PHKB: variants seen among roughly 807,000 people sequenced by gnomAD.
The protein encoded by PHKB is phosphorylase kinase regulatory subunit beta.
In PHKB, 122 loss-of-function variants were observed where a neutral mutation model predicts 152.1. The ratio of observed to expected loss-of-function variants is 0.80; its 90% CI spans 0.69 to 0.93. The LOEUF (loss-of-function observed/expected upper bound fraction) is 0.93, where lower values mean the gene tolerates loss of function less well. Among genes scored for constraint, PHKB ranks in the 40% least tolerant of loss-of-function variants. The pLI is 0.00. For missense variants in PHKB, 1,304 were observed against 1,328.4 expected (o/e 0.98, Z 0.29); for synonymous variants, 436 against 464.9 (o/e 0.94, Z 0.80).
chr16:47,672,951 G>T (rs1597167909), intron 26 of PHKB, among the ~76,000 whole-genome samples: 1 of 152,010 alleles, frequency 6.6e-6, no homozygotes, highest in Admixed American at 6.6e-5. Flanking sequence ...AAAGAAATTT[G>T]CTATGAAACC....
intron 14 of PHKB, among the ~76,000 whole-genome samples, chr16:47,626,190 GT>G (rs1243420345): frequency 6.6e-6 from 1 of 152,190 alleles, no homozygotes; most frequent in Non-Finnish European, 1.5e-5. Context: ...TGATGGTGGA[GT>G]ATCTCCTCTG....
chr16:47,636,388 G>T (rs1972920332), intron 14 of PHKB, among the ~76,000 whole-genome samples: 1 of 152,178 alleles, frequency 6.6e-6, no homozygotes, highest in Admixed American at 6.5e-5. Context: ...GGAGGCAGGA[G>T]CCCCACTCCC....
intron 7 of PHKB, chr16:47,565,498 A>T: frequency 7.3e-7 from 1 of 1,361,578 alleles, no homozygotes. Context: ...GGCTGGCATT[A>T]CCTTTAGGGG....
chr16:47,595,551 G>A (rs1331503931), intron 12 of PHKB, among the ~76,000 whole-genome samples: 2 of 152,108 alleles, frequency 1.3e-5, no homozygotes, highest in Non-Finnish European at 2.9e-5. Context: ...ATATTGAATG[G>A]TAGATAATGG....
intron 4 of PHKB, among the ~76,000 whole-genome samples, chr16:47,505,097 C>G (rs926815548): frequency 1.3e-5 from 2 of 152,218 alleles, no homozygotes; most frequent in Admixed American, 6.5e-5. Flanking sequence ...ATGGCTGGCA[C>G]TCTTCCAAAA....
chr16:47,684,295 C>T (rs1973920951), intron 26 of PHKB, among the ~76,000 whole-genome samples: 1 of 151,756 alleles, frequency 6.6e-6, no homozygotes, highest in Non-Finnish European at 1.5e-5. Context: ...AGCTGCACTC[C>T]ACCCTGGGTG....
chr16:47,576,591 T>G (rs1971753556), intron 7 of PHKB, among the ~76,000 whole-genome samples: 1 of 152,228 alleles, frequency 6.6e-6, no homozygotes. Flanking sequence ...AACTGTGGTT[T>G]TGTCTATTCT....
At chr16:47,576,063 C>T (rs914564064) in intron 7 of PHKB, among the ~76,000 whole-genome samples, 5 of 151,940 alleles carry the variant, frequency 3.3e-5, no homozygotes, top group Admixed American at 6.6e-5. Flanking sequence ...GCAACAAGAG[C>T]GAAACTCTGT....
rs570819512 is a variant in PHKB, at chr16:47,509,618, T to C, written c.406-2047T>C. 2.0e-5 allele frequency among the ~76,000 whole-genome samples: 3 copies of C among 152,314 alleles called. No homozygotes were observed. The South Asian group carries it at 6.2e-4, about 32-fold the overall frequency. On this transcript the variant is annotated intron_variant, in intron 4 of 30. Coordinates refer to ENST00000323584, the MANE Select transcript of PHKB (RefSeq NM_000293.3). ...CATTGTGACTGAAGAGCTTAATTTTTTATTTAATTTAATATAATTAATTGT... is the reference window on the plus strand; with the variant it reads ...CATTGTGACTGAAGAGCTTAATTTTCTATTTAATTTAATATAATTAATTGT...
chr16:47,569,673 G>A (rs980373917), intron 7 of PHKB, among the ~76,000 whole-genome samples: 3 of 152,180 alleles, frequency 2.0e-5, no homozygotes, highest in African/African-American at 2.4e-5. Flanking sequence ...AGGCTGGAGT[G>A]CAGTGGCATG....
chr16:47,547,723 C>G (rs1173741029), intron 7 of PHKB, 175 bp downstream of exon 7: 1 of 579,180 alleles, frequency 1.7e-6, no homozygotes, highest in East Asian at 3.1e-5. Flanking sequence ...AGCCCATCCT[C>G]AGTACCCATA....
chr16:47,502,727 G>A (rs1367585015), intron 3 of PHKB, among the ~76,000 whole-genome samples: 2 of 152,188 alleles, frequency 1.3e-5, no homozygotes, highest in African/African-American at 4.8e-5. Flanking sequence ...CCAAATCGCT[G>A]TAGAAATATT....
chr16:47,679,699 G>A (rs540330784), intron 26 of PHKB, among the ~76,000 whole-genome samples: 16 of 152,236 alleles, frequency 1.1e-4, no homozygotes, highest in South Asian at 6.2e-4. Context: ...TAGATATACA[G>A]TCATGTCATC....
rs1328843672 is a variant in PHKB, at chr16:47,527,865, A to G, written c.594+12264A>G. ...CAAAGGAAAGGCCACATGAGGACAAAGCAGCAGGAGGATGGCCTTCTGCTA... is the reference window on the plus strand; with the variant it reads ...CAAAGGAAAGGCCACATGAGGACAAGGCAGCAGGAGGATGGCCTTCTGCTA... On this transcript the variant is annotated intron_variant, in intron 6 of 30. Coordinates refer to ENST00000323584, the MANE Select transcript of PHKB (RefSeq NM_000293.3). Among the ~76,000 whole-genome samples the G allele has an allele frequency of 2.0e-5, 3 of 152,320 alleles. No homozygotes were observed. In the East Asian group the frequency reaches 5.8e-4, roughly 29 times the overall value.
At chr16:47,497,513 G>T (rs765771734) in intron 2 of PHKB, 25 bp downstream of exon 2, 4 of 1,326,460 alleles carry the variant, frequency 3.0e-6, no homozygotes, top group African/African-American at 2.9e-5. Context: ...AGGAAAACGT[G>T]TCCTTAGGTA....
At chr16:47,518,473 A>G (rs1970634000) in intron 6 of PHKB, among the ~76,000 whole-genome samples, 2 of 152,302 alleles carry the variant, frequency 1.3e-5, no homozygotes, top group Non-Finnish European at 2.9e-5. Context: ...ACAAAGGGGC[A>G]GTGAACCTAC....
At chr16:47,527,930 C>T (rs970730112) in intron 6 of PHKB, among the ~76,000 whole-genome samples, 2 of 152,220 alleles carry the variant, frequency 1.3e-5, no homozygotes, top group Non-Finnish European at 2.9e-5. Context: ...GACCTGCCAA[C>T]ACCTTGGTCT....
At chr16:47,582,204 T>C (rs1471444443) in intron 8 of PHKB, among the ~76,000 whole-genome samples, 2 of 152,200 alleles carry the variant, frequency 1.3e-5, no homozygotes, top group Non-Finnish European at 2.9e-5. Flanking sequence ...TGGTTGGCTG[T>C]TACATGGTAG....
intron 26 of PHKB, among the ~76,000 whole-genome samples, chr16:47,683,593 G>A (rs1237678179): frequency 3.9e-5 from 6 of 152,200 alleles, no homozygotes; most frequent in East Asian, 3.9e-4. Flanking sequence ...CTGGTGTGCC[G>A]TTTTTTAAGC....
Sources: gnomAD v4.1 joint callset for allele counts (sites outside exome capture counted in the v4.1 genomes callset) on GRCh38, gnomAD v4.1.1 for gene constraint, MANE v1.5 for transcripts, NCBI Gene and HGNC (gene_info 2026-07-23, HGNC 2026-07-21) for gene names.